Variants in RTN1 observed in about 807,000 individuals in gnomAD.
The protein encoded by RTN1 is reticulon-1.
In RTN1, 25 loss-of-function variants were observed where a neutral mutation model predicts 65.5. The observed-to-expected ratio is 0.38, with a 90% CI of 0.28 to 0.53. The LOEUF (loss-of-function observed/expected upper bound fraction) is 0.53. RTN1 is among the 20% of genes least tolerant of loss of function. The probability of loss-of-function intolerance (pLI) is 0.79; values close to 1 mark genes in which losing one functional copy is unlikely to be tolerated. For synonymous variants in RTN1, 471 were observed against 447.6 expected (o/e 1.05, Z -0.66); for missense variants, 983 against 1,025.4 (o/e 0.96, Z 0.57).
intron 3 of RTN1, among the ~76,000 whole-genome samples, chr14:59,709,545 G>A (rs1217334384): frequency 1.3e-5 from 2 of 152,136 alleles, no homozygotes; most frequent in African/African-American, 4.8e-5. Context: ...GCACGTCAAT[G>A]GTGGATAAAA....
At chr14:59,651,143 G>C (rs940696219) in intron 3 of RTN1, among the ~76,000 whole-genome samples, 1 of 151,988 alleles carries the variant, frequency 6.6e-6, no homozygotes, top group African/African-American at 2.4e-5. Flanking sequence ...CTATACTATG[G>C]GGCTATAATA....
intron 1 of RTN1, among the ~76,000 whole-genome samples, chr14:59,769,995 T>C (rs1183571448): frequency 6.6e-6 from 1 of 152,182 alleles, no homozygotes; most frequent in Non-Finnish European, 1.5e-5. Flanking sequence ...ATGGGAAGTC[T>C]GACTCTGAAG....
At position 59,797,279 on chromosome 14, in the gene RTN1, T is replaced by C. The variant is rs183941805; in HGVS notation, c.242-50798A>G. Among the ~76,000 whole-genome samples the C allele has an allele frequency of 4.5e-3, 684 of 152,304 alleles. 8 individuals carry two copies. The highest frequency in any genetic ancestry group is 0.024 in the South Asian group (118 of 4,832). On this transcript the variant is annotated intron_variant, in intron 1 of 8. Coordinates refer to ENST00000267484, the MANE Select transcript of RTN1 (RefSeq NM_021136.3). ...GCACAGAGAGTATGGGATAATAATA[T>C]GGGAAAAATTCCTTTGTCCAACAAC... is the stretch of plus-strand genomic sequence containing the variant.
intron 1 of RTN1, among the ~76,000 whole-genome samples, chr14:59,773,855 A>C (rs1886003853): frequency 6.6e-6 from 1 of 152,188 alleles, no homozygotes; most frequent in African/African-American, 2.4e-5. Flanking sequence ...CATGAGACAG[A>C]AAAAGAAATG....
intron 1 of RTN1, among the ~76,000 whole-genome samples, chr14:59,754,497 C>T (rs1448620528): frequency 1.3e-5 from 2 of 152,178 alleles, no homozygotes; most frequent in African/African-American, 4.8e-5. Context: ...TGTATTCTGG[C>T]TCTACCACTA....
At chr14:59,700,498 T>C in intron 3 of RTN1, among the ~76,000 whole-genome samples, 1 of 152,154 alleles carries the variant, frequency 6.6e-6, no homozygotes, top group East Asian at 1.9e-4. Flanking sequence ...ATAGTCAAGA[T>C]AATATGATAC....
At chr14:59,801,759 C>T (rs542670186) in intron 1 of RTN1, among the ~76,000 whole-genome samples, 2 of 152,182 alleles carry the variant, frequency 1.3e-5, no homozygotes, top group African/African-American at 2.4e-5. Flanking sequence ...AAGATTATAA[C>T]GCTATACATG....
chr14:59,706,176 C>T (rs1884289945), intron 3 of RTN1, among the ~76,000 whole-genome samples: 1 of 152,222 alleles, frequency 6.6e-6, no homozygotes, highest in African/African-American at 2.4e-5. Context: ...CTGCATAAGA[C>T]AAACTTTGTT....
intron 2 of RTN1, among the ~76,000 whole-genome samples, chr14:59,733,190 C>G (rs1334738225): frequency 6.6e-6 from 1 of 151,872 alleles, no homozygotes; most frequent in Non-Finnish European, 1.5e-5. Flanking sequence ...CTCCCGGGTT[C>G]AAGCAATTCT....
chr14:59,665,513 C>G (rs1257282371), intron 3 of RTN1, among the ~76,000 whole-genome samples: 2 of 152,142 alleles, frequency 1.3e-5, no homozygotes, highest in African/African-American at 2.4e-5. Flanking sequence ...ACCATTGATG[C>G]TATGAAGAAA....
At chr14:59,701,863 T>C (rs1884187198) in intron 3 of RTN1, among the ~76,000 whole-genome samples, 1 of 152,168 alleles carries the variant, frequency 6.6e-6, no homozygotes, top group Non-Finnish European at 1.5e-5. Context: ...TAAAAACAAA[T>C]GAACGAACAC....
At chr14:59,801,786 A>C (rs975396969) in intron 1 of RTN1, among the ~76,000 whole-genome samples, 4 of 152,216 alleles carry the variant, frequency 2.6e-5, no homozygotes, top group African/African-American at 7.2e-5. Context: ...ATATTATTAG[A>C]AGATGGACTA....
chr14:59,737,458 A>C (rs1885023901), intron 2 of RTN1, among the ~76,000 whole-genome samples: 1 of 152,172 alleles, frequency 6.6e-6, no homozygotes, highest in African/African-American at 2.4e-5. Context: ...CTAACAAGGG[A>C]TGTGAAGGAC....
At chr14:59,738,636 C>A (rs899935531) in intron 2 of RTN1, among the ~76,000 whole-genome samples, 2 of 152,180 alleles carry the variant, frequency 1.3e-5, no homozygotes, top group Admixed American at 6.5e-5. Flanking sequence ...TTTGACCCAG[C>A]AATCCCATTA....
chr14:59,600,500 C>G (rs1311228460), intron 8 of RTN1, among the ~76,000 whole-genome samples: 1 of 152,144 alleles, frequency 6.6e-6, no homozygotes, highest in Non-Finnish European at 1.5e-5. Context: ...ATGTTCTTAA[C>G]TGTACCACTA....
intron 1 of RTN1, among the ~76,000 whole-genome samples, chr14:59,801,375 G>A (rs1886543035): frequency 6.6e-6 from 1 of 152,116 alleles, no homozygotes; most frequent in African/African-American, 2.4e-5. Context: ...ATTACAGACA[G>A]GGGAGGAAAG....
chr14:59,707,644 C>A (rs1884323036), intron 3 of RTN1, among the ~76,000 whole-genome samples: 1 of 151,808 alleles, frequency 6.6e-6, no homozygotes, highest in South Asian at 2.1e-4. Context: ...GAAGAGAGGT[C>A]TAGGAAGGAG....
chr14:59,754,707 G>A (rs1268902540), intron 1 of RTN1, among the ~76,000 whole-genome samples: 2 of 152,072 alleles, frequency 1.3e-5, no homozygotes, highest in African/African-American at 4.8e-5. Context: ...TTATTTTTCA[G>A]GGAGAACACT....
intron 3 of RTN1, chr14:59,630,695 G>A (rs1392572136): frequency 2.6e-6 from 3 of 1,161,288 alleles, no homozygotes; most frequent in Middle Eastern, 3.5e-4. Context: ...GGCCGGCAGC[G>A]AATCAGCGCG....
Sources: allele counts gnomAD v4.1 joint callset (sites outside exome capture counted in the v4.1 genomes callset), GRCh38; gene constraint gnomAD v4.1.1; transcripts MANE v1.5; gene names NCBI Gene and HGNC (gene_info 2026-07-23, HGNC 2026-07-21).